Variants in EPB41L4A observed in about 807,000 individuals in gnomAD.
EPB41L4A encodes the protein erythrocyte membrane protein band 4.1 like 4A.
A neutral mutation model predicts 108.6 loss-of-function variants in EPB41L4A; 100 were observed. The observed-to-expected ratio is 0.92, with a 90% CI of 0.78 to 1.09. EPB41L4A has a LOEUF of 1.09. EPB41L4A is among the 50% of genes least tolerant of loss of function. The pLI is 0.00. For missense variants in EPB41L4A, 1,030 were observed against 842.7 expected (o/e 1.22, Z -2.75); for synonymous variants, 319 against 289.0 (o/e 1.10, Z -1.05).
At chr5:112,216,322 A>G (rs1471205222) in intron 12 of EPB41L4A, among the ~76,000 whole-genome samples, 3 of 152,240 alleles carry the variant, frequency 2.0e-5, no homozygotes, top group Admixed American at 1.3e-4. Flanking sequence ...TCATAAGTCA[A>G]TTTGACACCT....
chr5:112,157,009 G>A (rs1449625833), intron 12 of EPB41L4A, among the ~76,000 whole-genome samples: 1 of 152,100 alleles, frequency 6.6e-6, no homozygotes, highest in Non-Finnish European at 1.5e-5. Context: ...ATATGGATGT[G>A]GGAGGGCAGG....
intron 1 of EPB41L4A, among the ~76,000 whole-genome samples, chr5:112,316,862 C>T (rs1755459596): frequency 6.6e-6 from 1 of 152,170 alleles, no homozygotes; most frequent in Non-Finnish European, 1.5e-5. Flanking sequence ...TGACACCTCA[C>T]CTGAGATGGC....
intron 12 of EPB41L4A, chr5:112,146,098 G>A: frequency 2.5e-6 from 1 of 403,888 alleles, no homozygotes; most frequent in Non-Finnish European, 4.9e-6. Flanking sequence ...CCATTCATCT[G>A]ATAGGGTCTT....
At chr5:112,409,132 A>T (rs577001385) in intron 1 of EPB41L4A, among the ~76,000 whole-genome samples, 1,766 of 152,350 alleles carry the variant, frequency 0.012, 26 homozygotes, top group South Asian at 0.038. Context: ...CATCCATACA[A>T]TGGAATATTA....
chr5:112,257,297 A>G (rs1027850019), intron 9 of EPB41L4A: 1 of 152,168 alleles, frequency 6.6e-6, no homozygotes, highest in African/African-American at 2.4e-5. Context: ...ATAAAAAAAA[A>G]CCTTTAATTC....
intron 1 of EPB41L4A, among the ~76,000 whole-genome samples, chr5:112,347,556 C>T (rs543244777): frequency 2.0e-5 from 3 of 152,272 alleles, no homozygotes; most frequent in African/African-American, 4.8e-5. Flanking sequence ...TAAGAACACA[C>T]GGTTGCTGAG....
chr5:112,382,192 T>C (rs1422553828), intron 1 of EPB41L4A, among the ~76,000 whole-genome samples: 1 of 152,198 alleles, frequency 6.6e-6, no homozygotes, highest in African/African-American at 2.4e-5. Flanking sequence ...TTTAATCTAT[T>C]TTTTAACCAC....
At chr5:112,226,803 A>G (rs1748484716) in intron 12 of EPB41L4A, among the ~76,000 whole-genome samples, 1 of 152,086 alleles carries the variant, frequency 6.6e-6, no homozygotes, top group Non-Finnish European at 1.5e-5. Context: ...AAAGACGATC[A>G]CCAAGAGCTG....
intron 1 of EPB41L4A, among the ~76,000 whole-genome samples, chr5:112,378,134 T>A (rs1561623258): frequency 1.3e-5 from 2 of 152,122 alleles, no homozygotes; most frequent in African/African-American, 2.4e-5. Flanking sequence ...AAGATGAAAA[T>A]CTATCCTAAA....
chr5:112,331,215 A>G (rs1580700872), intron 1 of EPB41L4A, among the ~76,000 whole-genome samples: 1 of 152,218 alleles, frequency 6.6e-6, no homozygotes, highest in Non-Finnish European at 1.5e-5. Context: ...TCTTCCTCAC[A>G]GGTTTGTTGT....
At position 112,165,120 on chromosome 5, in the gene EPB41L4A, T is replaced by TAAAAA. The variant is rs1760161946; in HGVS notation, c.1933-3_1933-2insTTTTT. ...GCTATCTTTAGACCCATTTCTTCTC[T>TAAAAA]AAAATATATTTGAAAAATGTAGAAA... On this transcript the variant is annotated splice_region_variant and splice_polypyrimidine_tract_variant and intron_variant, in intron 22 of 22. Transcript: ENST00000261486. The TAAAAA allele has an allele frequency of 7.0e-7, 1 of 1,432,210 alleles. No homozygotes were observed. Among genetic ancestry groups the TAAAAA allele is most frequent in the Non-Finnish European group, 9.2e-7 (1 of 1,091,596 alleles). The allele number at this position is 1,432,210 out of a possible 1,614,324, so 88.7% of individuals were successfully genotyped here. A position where few individuals can be genotyped will look rare whatever the true frequency, so the allele number is the denominator to read the frequency against.
rs896032356 is a variant in EPB41L4A, at chr5:112,217,829, G to T, written c.1088-7847C>A. Among the ~76,000 whole-genome samples, 12 of 152,282 alleles carry T rather than the reference G, an allele frequency of 7.9e-5. No individual in the cohort carries two copies. In the East Asian group the frequency reaches 2.1e-3, roughly 27 times the overall value. ...GCAAGATCAAAGAAGGCATTCTACT[G>T]AAAAGCTGGAGGGTAGATTATAAGG... On this transcript the variant is annotated intron_variant, in intron 12 of 22. Transcript: ENST00000261486.
At chr5:112,154,391 C>T (rs1759578270) in intron 12 of EPB41L4A, among the ~76,000 whole-genome samples, 1 of 152,216 alleles carries the variant, frequency 6.6e-6, no homozygotes, top group African/African-American at 2.4e-5. Flanking sequence ...TGCATGTGCA[C>T]TGTAATTCTT....
At chr5:112,404,754 T>C (rs1407385033) in intron 1 of EPB41L4A, among the ~76,000 whole-genome samples, 1 of 152,220 alleles carries the variant, frequency 6.6e-6, no homozygotes, top group African/African-American at 2.4e-5. Context: ...AGCAATCTAA[T>C]TCACCTCTTC....
chr5:112,173,645 T>C (rs1760713496), intron 18 of EPB41L4A: 1 of 104,296 alleles, frequency 9.6e-6, no homozygotes, highest in Admixed American at 1.2e-4. Flanking sequence ...ATGTTATCTT[T>C]GTTTTTTTTT....
chr5:112,389,804 T>C (rs1156544596), intron 1 of EPB41L4A, among the ~76,000 whole-genome samples: 4 of 152,176 alleles, frequency 2.6e-5, no homozygotes, highest in Admixed American at 6.5e-5. Flanking sequence ...CTTTTGACAA[T>C]GTAATATACG....
At chr5:112,367,913 T>C (rs903060591) in intron 1 of EPB41L4A, among the ~76,000 whole-genome samples, 3 of 151,416 alleles carry the variant, frequency 2.0e-5, no homozygotes, top group African/African-American at 7.4e-5. Context: ...TAACCCAAAA[T>C]TGAATCTTTG....
chr5:112,210,121 T>C (rs899750281), intron 12 of EPB41L4A, 139 bp from the exon 13 acceptor site: 6 of 548,442 alleles, frequency 1.1e-5, no homozygotes, highest in African/African-American at 1.9e-5. Flanking sequence ...CCCAAATAAA[T>C]AATGAATCAC....
intron 18 of EPB41L4A, among the ~76,000 whole-genome samples, chr5:112,172,441 G>A (rs558299343): frequency 6.7e-6 from 1 of 150,350 alleles, no homozygotes; most frequent in African/African-American, 2.4e-5. Flanking sequence ...GAACCTGGGA[G>A]GTGGAGGTTG....
Sources: gnomAD v4.1 joint callset for allele counts (sites outside exome capture counted in the v4.1 genomes callset) on GRCh38, gnomAD v4.1.1 for gene constraint, MANE v1.5 for transcripts, NCBI Gene and HGNC (gene_info 2026-07-23, HGNC 2026-07-21) for gene names.